UNC5D: variants seen among roughly 807,000 people sequenced by gnomAD.
UNC5D encodes the protein unc-5 netrin receptor D.
Under a neutral mutation model 105.4 loss-of-function variants are expected in UNC5D, and 39 were observed. That is an observed-to-expected ratio of 0.37 (90% CI 0.29 to 0.48). The LOEUF is 0.48. UNC5D is among the 20% of genes least tolerant of loss of function. The probability of loss-of-function intolerance (pLI) is 0.98; values close to 1 mark genes in which losing one functional copy is unlikely to be tolerated. For synonymous variants in UNC5D, 452 were observed against 450.4 expected (o/e 1.00, Z -0.04); for missense variants, 991 against 1,202.4 (o/e 0.82, Z 2.60).
chr8:35,341,389 A>G (rs1811442973), intron 1 of UNC5D, among the ~76,000 whole-genome samples: 1 of 151,542 alleles, frequency 6.6e-6, no homozygotes, highest in East Asian at 1.9e-4. Flanking sequence ...TTTCACATTT[A>G]CGGTAGTGAT....
chr8:35,597,992 A>T (rs747456616), intron 4 of UNC5D, among the ~76,000 whole-genome samples: 1 of 152,002 alleles, frequency 6.6e-6, no homozygotes, highest in Non-Finnish European at 1.5e-5. Context: ...TCTCTCTCAG[A>T]TGCACCAGCC....
intron 1 of UNC5D, among the ~76,000 whole-genome samples, chr8:35,345,344 A>C (rs1811732237): frequency 6.6e-6 from 1 of 152,006 alleles, no homozygotes; most frequent in African/African-American, 2.4e-5. Flanking sequence ...GTGGAAAAAA[A>C]AGTGCCTGCT....
intron 1 of UNC5D, among the ~76,000 whole-genome samples, chr8:35,417,135 A>G (rs1322407793): frequency 2.6e-5 from 4 of 152,128 alleles, no homozygotes; most frequent in Non-Finnish European, 5.9e-5. Context: ...ATTATTGACT[A>G]GTCATTCTGT....
At chr8:35,388,642 T>C (rs1342181984) in intron 1 of UNC5D, among the ~76,000 whole-genome samples, 2 of 152,220 alleles carry the variant, frequency 1.3e-5, no homozygotes, top group Non-Finnish European at 2.9e-5. Context: ...TATTCATATA[T>C]AGGCATATTT....
At chr8:35,361,327 G>A (rs1801838967) in intron 1 of UNC5D, among the ~76,000 whole-genome samples, 1 of 152,112 alleles carries the variant, frequency 6.6e-6, no homozygotes, top group Admixed American at 6.6e-5. Flanking sequence ...TGATGTCTAA[G>A]AAGACCTAAC....
intron 13 of UNC5D, among the ~76,000 whole-genome samples, chr8:35,752,604 C>T (rs1360729169): frequency 1.3e-5 from 2 of 152,138 alleles, no homozygotes; most frequent in Non-Finnish European, 2.9e-5. Flanking sequence ...AGTAGTTAAA[C>T]CTCCTCCCAC....
intron 4 of UNC5D, among the ~76,000 whole-genome samples, chr8:35,644,873 T>A (rs986001779): frequency 6.6e-6 from 1 of 152,130 alleles, no homozygotes; most frequent in African/African-American, 2.4e-5. Context: ...TAGACACATA[T>A]CAAAAAGTGA....
intron 1 of UNC5D, among the ~76,000 whole-genome samples, chr8:35,339,513 G>T (rs1811301876): frequency 6.6e-6 from 1 of 152,210 alleles, no homozygotes; most frequent in Admixed American, 6.5e-5. Context: ...GTTCTCCAGG[G>T]CATCAAAAGG....
intron 2 of UNC5D, among the ~76,000 whole-genome samples, chr8:35,565,195 T>C (rs1421131572): frequency 6.6e-6 from 1 of 152,200 alleles, no homozygotes; most frequent in Non-Finnish European, 1.5e-5. Flanking sequence ...TTTACTGATT[T>C]ACGCTTACAA....
At chr8:35,768,976 A>G (rs901765340) in intron 15 of UNC5D, among the ~76,000 whole-genome samples, 3 of 152,234 alleles carry the variant, frequency 2.0e-5, no homozygotes, top group African/African-American at 7.2e-5. Context: ...GCATAGCTAC[A>G]GAATTTGGCC....
At chr8:35,657,126 C>T (rs1310657316) in intron 4 of UNC5D, among the ~76,000 whole-genome samples, 6 of 79,612 alleles carry the variant, frequency 7.5e-5, no homozygotes, top group Non-Finnish European at 1.5e-4. Context: ...ATATATATGC[C>T]AGTTGCTTTT....
At chr8:35,409,395 G>C (rs1187847106) in intron 1 of UNC5D, among the ~76,000 whole-genome samples, 2 of 150,864 alleles carry the variant, frequency 1.3e-5, no homozygotes, top group Non-Finnish European at 3.0e-5. Flanking sequence ...CCTTGGTGTT[G>C]TCAGCTTTTG....
chr8:35,287,502 G>C (rs1437023951), intron 1 of UNC5D, among the ~76,000 whole-genome samples: 1 of 152,020 alleles, frequency 6.6e-6, no homozygotes, highest in African/African-American at 2.4e-5. Flanking sequence ...TCAATAGAAA[G>C]CTTCAAAGAA....
At chr8:35,416,549 C>T (rs1805545835) in intron 1 of UNC5D, among the ~76,000 whole-genome samples, 1 of 152,052 alleles carries the variant, frequency 6.6e-6, no homozygotes, top group Admixed American at 6.6e-5. Context: ...GAGAATGGCC[C>T]TAAAAATATC....
At chr8:35,297,882 G>A (rs568699376) in intron 1 of UNC5D, among the ~76,000 whole-genome samples, 6 of 151,980 alleles carry the variant, frequency 3.9e-5, no homozygotes, top group Middle Eastern at 3.2e-3. Context: ...AGCATTCCAC[G>A]ACTTCCATTA....
chr8:35,727,814 G>A (rs1250377810), intron 10 of UNC5D: 1 of 151,924 alleles, frequency 6.6e-6, no homozygotes, highest in African/African-American at 2.4e-5. Flanking sequence ...TTGATAATTG[G>A]AAGATAATGA....
chr8:35,366,384 A>T (rs549593290), intron 1 of UNC5D, among the ~76,000 whole-genome samples: 29 of 152,240 alleles, frequency 1.9e-4, no homozygotes, highest in African/African-American at 6.7e-4. Flanking sequence ...CACTCCAAAC[A>T]TAAGCCACCT....
chr8:35,443,732 AT>A (rs1807588816), intron 1 of UNC5D, among the ~76,000 whole-genome samples: 1 of 151,924 alleles, frequency 6.6e-6, no homozygotes, highest in African/African-American at 2.4e-5. Context: ...TTCCCAACTC[AT>A]TTTATTGAGG....
intron 1 of UNC5D, among the ~76,000 whole-genome samples, chr8:35,416,603 T>C (rs561159653): frequency 1.3e-5 from 2 of 152,354 alleles, no homozygotes; most frequent in South Asian, 4.1e-4. Flanking sequence ...CCTTCCTGTT[T>C]TTCACTTTTG....
Sources: allele counts gnomAD v4.1 joint callset (sites outside exome capture counted in the v4.1 genomes callset), GRCh38; gene constraint gnomAD v4.1.1; transcripts MANE v1.5; gene names NCBI Gene and HGNC (gene_info 2026-07-23, HGNC 2026-07-21).